Variants in AVEN observed in about 807,000 individuals in gnomAD.
AVEN encodes the protein apoptosis and caspase activation inhibitor.
A neutral mutation model predicts 38.1 loss-of-function variants in AVEN; 41 were observed. The ratio of observed to expected loss-of-function variants is 1.08; its 90% CI spans 0.84 to 1.40. AVEN has a LOEUF of 1.40. AVEN is among the 40% of genes most tolerant of loss of function. The pLI, the probability that AVEN is intolerant of heterozygous loss-of-function variation, is 0.00. For synonymous variants in AVEN, 206 were observed against 171.8 expected (o/e 1.20, Z -1.56); for missense variants, 605 against 438.8 (o/e 1.38, Z -3.38).
At chr15:33,945,283 C>A (rs1447821124) in intron 2 of AVEN, among the ~76,000 whole-genome samples, 1 of 152,190 alleles carries the variant, frequency 6.6e-6, no homozygotes, top group Non-Finnish European at 1.5e-5. Context: ...GCTTTACCTC[C>A]AAGAGAATCT....
At chr15:33,870,028 T>A (rs571388648) in intron 4 of AVEN, among the ~76,000 whole-genome samples, 6 of 152,150 alleles carry the variant, frequency 3.9e-5, no homozygotes, top group Admixed American at 3.3e-4. Flanking sequence ...CACAAACTCA[T>A]AAAGTCCAAA....
chr15:33,927,352 G>A (rs950419537), intron 2 of AVEN, among the ~76,000 whole-genome samples: 6 of 152,034 alleles, frequency 3.9e-5, no homozygotes, highest in African/African-American at 4.8e-5. Context: ...AATGGAAAGT[G>A]TCTGCATTGA....
At chr15:34,014,363 T>C (rs1243445814) in intron 1 of AVEN, among the ~76,000 whole-genome samples, 2 of 75,048 alleles carry the variant, frequency 2.7e-5, no homozygotes, top group Admixed American at 2.2e-4. Context: ...AAACTCCATC[T>C]CATTAAAAAA....
chr15:33,867,400 C>T, intron 5 of AVEN, 95 bp downstream of exon 5: 1 of 1,465,816 alleles, frequency 6.8e-7, no homozygotes, highest in Non-Finnish European at 9.1e-7. Context: ...CAATGTCAGA[C>T]ACCCAGAGGG....
chr15:33,878,510 G>C (rs1891347123), intron 2 of AVEN, among the ~76,000 whole-genome samples: 2 of 152,198 alleles, frequency 1.3e-5, no homozygotes. Context: ...GTATGAATCA[G>C]ATATTTAAGT....
chr15:34,009,349 A>G (rs1426818946), intron 1 of AVEN, among the ~76,000 whole-genome samples: 2 of 152,224 alleles, frequency 1.3e-5, no homozygotes, highest in Non-Finnish European at 2.9e-5. Context: ...ACCAGTAATT[A>G]TGTAACTATA....
intron 2 of AVEN, among the ~76,000 whole-genome samples, chr15:33,916,782 C>G (rs1893154033): frequency 6.6e-6 from 1 of 151,712 alleles, no homozygotes; most frequent in Admixed American, 6.6e-5. Flanking sequence ...TGTTCTCATG[C>G]TGCTATAAAA....
chr15:33,976,667 T>G (rs556569838), intron 2 of AVEN, among the ~76,000 whole-genome samples: 1 of 152,254 alleles, frequency 6.6e-6, no homozygotes, highest in African/African-American at 2.4e-5. Context: ...ATATCTCCAT[T>G]TAAAATATTT....
rs749768239 is a variant in AVEN, at chr15:33,859,760, A to G, written n.2730-666T>C. On this transcript the variant is annotated intron_variant and non_coding_transcript_variant, in intron 11 of 11. Coordinates refer to the AVEN transcript ENST00000675287. ...TGATTGCCAATTGTGTTGAGTATGA[A>G]CAGGGTTTAATCTAGTTCTTTTTGC... 6 of 1,585,058 alleles carry G rather than the reference A, an allele frequency of 3.8e-6. No individual in the cohort carries two copies. In the South Asian group the frequency reaches 6.8e-5, roughly 18 times the overall value.
chr15:33,875,547 AACCT>A (rs1891185554), intron 3 of AVEN, among the ~76,000 whole-genome samples: 1 of 152,234 alleles, frequency 6.6e-6, no homozygotes, highest in Non-Finnish European at 1.5e-5. Context: ...GGGTTTTCTC[AACCT>A]AACACCAAAA....
chr15:33,948,616 T>G (rs189603403), intron 2 of AVEN, among the ~76,000 whole-genome samples: 1 of 152,160 alleles, frequency 6.6e-6, no homozygotes, highest in South Asian at 2.1e-4. Context: ...CAGCAGGAGT[T>G]TGAGAACCCA....
intron 2 of AVEN, chr15:33,883,619 T>A (rs904447706): frequency 3.3e-5 from 5 of 152,178 alleles, no homozygotes; most frequent in Non-Finnish European, 7.3e-5. Flanking sequence ...AAATACTAAT[T>A]TATGCATAGA....
intron 2 of AVEN, among the ~76,000 whole-genome samples, chr15:33,955,314 G>A (rs74620950): frequency 6.6e-6 from 1 of 152,260 alleles, no homozygotes; most frequent in African/African-American, 2.4e-5. Context: ...GAAGGAAAAT[G>A]TAAATCAAGT....
At chr15:33,852,768 C>G in the AVEN span, 4 of 352,162 alleles carry the variant, frequency 1.1e-5, no homozygotes, top group Middle Eastern at 5.4e-4. Context: ...TCTGTCTAAT[C>G]TGTCATCACA....
chr15:33,874,108 TTTG>T (rs1478164524), intron 3 of AVEN, among the ~76,000 whole-genome samples: 1 of 152,170 alleles, frequency 6.6e-6, no homozygotes, highest in African/African-American at 2.4e-5. Context: ...TAAACAAAAC[TTTG>T]TTAACAGATA....
chr15:33,926,779 C>G (rs1284897899), intron 2 of AVEN, among the ~76,000 whole-genome samples: 1 of 152,044 alleles, frequency 6.6e-6, no homozygotes, highest in Non-Finnish European at 1.5e-5. Context: ...CTCAGCCTCC[C>G]GAGTAGCTGG....
chr15:34,073,196 T>A (rs1323718136), intron 1 of AVEN, among the ~76,000 whole-genome samples: 13 of 145,982 alleles, frequency 8.9e-5, no homozygotes, highest in South Asian at 6.7e-4. Flanking sequence ...GCCCGCCACC[T>A]CGCCCGGCTA....
At chr15:33,951,420 G>A (rs575485714) in intron 2 of AVEN, among the ~76,000 whole-genome samples, 1 of 151,938 alleles carries the variant, frequency 6.6e-6, no homozygotes, top group Admixed American at 6.6e-5. Flanking sequence ...TCAAGGGGTG[G>A]GGGAGGGAGG....
chr15:34,010,287 A>C (rs1450292428), intron 1 of AVEN, among the ~76,000 whole-genome samples: 3 of 152,200 alleles, frequency 2.0e-5, no homozygotes, highest in South Asian at 2.1e-4. Flanking sequence ...ATATTTGGAC[A>C]ACCTTATTCA....
Sources: gnomAD v4.1 joint callset for allele counts (sites outside exome capture counted in the v4.1 genomes callset) on GRCh38, gnomAD v4.1.1 for gene constraint, MANE v1.5 for transcripts, NCBI Gene and HGNC (gene_info 2026-07-23, HGNC 2026-07-21) for gene names.